TTC29: variants seen among roughly 807,000 people sequenced by gnomAD.
TTC29 encodes the protein tetratricopeptide repeat domain 29, also known as tetratricopeptide repeat protein 29.
A neutral mutation model predicts 58.1 loss-of-function variants in TTC29; 49 were observed. The observed-to-expected ratio is 0.84, with a 90% CI of 0.67 to 1.07. The LOEUF (loss-of-function observed/expected upper bound fraction) is 1.07. Ranked by LOEUF, TTC29 falls within the 50% of genes least tolerant of loss-of-function variation. TTC29 has a pLI of 0.00. For synonymous variants in TTC29, 209 were observed against 196.8 expected (o/e 1.06, Z -0.52); for missense variants, 582 against 555.6 (o/e 1.05, Z -0.48).
At chr4:146,737,266 T>C (rs1212370030) in intron 11 of TTC29, among the ~76,000 whole-genome samples, 3 of 152,006 alleles carry the variant, frequency 2.0e-5, no homozygotes, top group Non-Finnish European at 2.9e-5. Context: ...GGGGGATGCA[T>C]TAAAGTAGAA....
rs776037799 is a variant in TTC29, at chr4:146,876,934, CA to C, written c.587-2007del. Among the ~76,000 whole-genome samples the C allele has an allele frequency of 8.8e-3, 520 of 59,180 alleles. 2 individuals are homozygous for C. The highest frequency in any genetic ancestry group is 0.022 in the South Asian group (35 of 1,614). The allele number at this position is 59,180 out of a possible 152,430, so 38.8% of individuals were successfully genotyped here. A position where few individuals can be genotyped will look rare whatever the true frequency, so the allele number is the denominator to read the frequency against. Reference sequence around the variant, plus strand: ...CTGTCAACAGAGCAAGACTCCATCTCAAAAAAAAAAAAAAAAAAAAGCAAAA... The same window carrying C: ...CTGTCAACAGAGCAAGACTCCATCTCAAAAAAAAAAAAAAAAAAAGCAAAA... On this transcript the variant is annotated intron_variant, in intron 6 of 12. Coordinates refer to ENST00000325106, the MANE Select transcript of TTC29 (RefSeq NM_031956.4).
intron 4 of TTC29, among the ~76,000 whole-genome samples, chr4:146,928,970 G>C (rs1325866187): frequency 1.3e-5 from 2 of 152,126 alleles, no homozygotes; most frequent in African/African-American, 4.8e-5. Context: ...TAGGAACAAT[G>C]TGAAGGGAAT....
At chr4:146,850,987 A>G (rs1471543453) in intron 8 of TTC29, among the ~76,000 whole-genome samples, 1 of 152,180 alleles carries the variant, frequency 6.6e-6, no homozygotes, top group African/African-American at 2.4e-5. Context: ...TTCCATTGGA[A>G]TTTTCATCAA....
intron 8 of TTC29, among the ~76,000 whole-genome samples, chr4:146,838,869 A>G (rs1451303463): frequency 2.0e-5 from 3 of 152,002 alleles, no homozygotes; most frequent in Non-Finnish European, 2.9e-5. Context: ...TTAAAACATA[A>G]AATTCTACCA....
intron 4 of TTC29, among the ~76,000 whole-genome samples, chr4:146,933,058 A>AC (rs1735472445): frequency 2.4e-5 from 1 of 42,454 alleles, no homozygotes; most frequent in Non-Finnish European, 4.0e-5. Context: ...ACTCCGTCTC[A>AC]AAAAAAAAAA....
chr4:146,787,237 C>CAT (rs1301631587), intron 11 of TTC29, among the ~76,000 whole-genome samples: 1 of 152,094 alleles, frequency 6.6e-6, no homozygotes, highest in Non-Finnish European at 1.5e-5. Flanking sequence ...CATGAGGATA[C>CAT]ATTTCCAGTA....
chr4:146,796,773 C>A (rs561012823), intron 11 of TTC29, among the ~76,000 whole-genome samples: 159 of 152,134 alleles, frequency 1.0e-3, no homozygotes, highest in Non-Finnish European at 1.9e-3. Context: ...TCAAAAATTT[C>A]TTTTGTTGGG....
At chr4:146,894,873 T>C (rs1338683341) in intron 6 of TTC29, among the ~76,000 whole-genome samples, 2 of 152,144 alleles carry the variant, frequency 1.3e-5, no homozygotes, top group Non-Finnish European at 2.9e-5. Context: ...TGGTACCATG[T>C]GCAGGATGTG....
chr4:146,909,654 A>G (rs1733766081), intron 4 of TTC29, among the ~76,000 whole-genome samples: 1 of 152,226 alleles, frequency 6.6e-6, no homozygotes, highest in Non-Finnish European at 1.5e-5. Flanking sequence ...CTATATTAGT[A>G]GTTTCACTGT....
At chr4:146,763,929 A>T (rs2150065733) in intron 11 of TTC29, 1 of 152,142 alleles carries the variant, frequency 6.6e-6, no homozygotes, top group African/African-American at 2.4e-5. Flanking sequence ...TCTAGAAAAA[A>T]ATAACACACA....
intron 9 of TTC29, among the ~76,000 whole-genome samples, chr4:146,826,014 A>G (rs1727772453): frequency 6.6e-6 from 1 of 152,070 alleles, no homozygotes; most frequent in South Asian, 2.1e-4. Context: ...TCTGCAGGTA[A>G]GATGGGTCTC....
intron 6 of TTC29, among the ~76,000 whole-genome samples, chr4:146,902,602 C>T (rs990326429): frequency 6.6e-6 from 1 of 152,118 alleles, no homozygotes; most frequent in African/African-American, 2.4e-5. Flanking sequence ...TAAATTCCAC[C>T]CATCTTCCAA....
intron 11 of TTC29, among the ~76,000 whole-genome samples, chr4:146,772,258 G>C (rs1436022299): frequency 6.6e-6 from 1 of 151,952 alleles, no homozygotes; most frequent in African/African-American, 2.4e-5. Context: ...GTTTAATTAG[G>C]TTCCATTTGT....
chr4:146,844,573 G>A (rs1439435607), intron 8 of TTC29, among the ~76,000 whole-genome samples: 1 of 151,988 alleles, frequency 6.6e-6, no homozygotes, highest in Admixed American at 6.6e-5. Context: ...TAGAGATGGG[G>A]TTTTGTCATG....
chr4:146,934,189 G>A (rs1446798730), intron 4 of TTC29: 1 of 152,232 alleles, frequency 6.6e-6, no homozygotes, highest in Non-Finnish European at 1.5e-5. Context: ...GAGTGGGTGT[G>A]GGAAGAGCAG....
chr4:146,926,923 C>T (rs1734973134), intron 4 of TTC29, among the ~76,000 whole-genome samples: 1 of 151,730 alleles, frequency 6.6e-6, no homozygotes, highest in South Asian at 2.1e-4. Flanking sequence ...CTTATGACAA[C>T]CCACATTAAG....
intron 8 of TTC29, among the ~76,000 whole-genome samples, chr4:146,862,367 A>G (rs1055570004): frequency 6.6e-6 from 1 of 152,078 alleles, no homozygotes; most frequent in Non-Finnish European, 1.5e-5. Flanking sequence ...GCCATCACAG[A>G]AGACCCTGCA....
chr4:146,707,591 C>A, intron 11 of TTC29, 40 bp from the exon 12 acceptor site: 1 of 1,408,504 alleles, frequency 7.1e-7, no homozygotes, highest in Non-Finnish European at 9.9e-7. Flanking sequence ...TTATCATGAA[C>A]ACAGTTTATA....
chr4:146,707,488 C>T lies in TTC29; in HGVS notation c.1394G>A (p.Ser465Asn). 1.9e-6 allele frequency: 3 copies of T among 1,608,962 alleles called. No individual in the cohort carries two copies. Among genetic ancestry groups the T allele is most frequent in the Non-Finnish European group, 2.5e-6 (3 of 1,177,052 alleles). Residue 465 changes from serine (S) to asparagine (N), a missense_variant, in exon 12 of 13, where the codon AGT (serine) becomes AAT (asparagine). Transcript: ENST00000325106. The stretch of plus-strand genomic sequence containing the variant: ...CTTTTTACTTGATTTATCATACCTA[C>T]TGAGTTCTTCCAAACGTTCTGAGTT... ...SQNSERLEEL[S>N]RFPGDQKNET
Sources: allele counts gnomAD v4.1 joint callset (sites outside exome capture counted in the v4.1 genomes callset), GRCh38; gene constraint gnomAD v4.1.1; transcripts MANE v1.5; gene names NCBI Gene and HGNC (gene_info 2026-07-23, HGNC 2026-07-21).